The following PRELID3A variants were observed in gnomAD, a reference collection of about 807,000 sequenced individuals.
PRELID3A encodes the protein PRELI domain containing 3A.
PRELID3A carries 27 observed loss-of-function variants against 23.0 expected under a neutral mutation model. The observed-to-expected ratio is 1.17, with a 90% CI of 0.87 to 1.62. The LOEUF is 1.62. PRELID3A is among the 40% of genes most tolerant of loss of function. The probability of loss-of-function intolerance (pLI) is 0.00; values close to 1 mark genes in which losing one functional copy is unlikely to be tolerated. For missense variants in PRELID3A, 231 were observed against 231.4 expected (o/e 1.00, Z 0.01); for synonymous variants, 87 against 86.4 (o/e 1.01, Z -0.04).
intron 3 of PRELID3A, among the ~76,000 whole-genome samples, chr18:12,422,722 G>A (rs147529303): frequency 3.9e-4 from 60 of 152,128 alleles, no homozygotes; most frequent in African/African-American, 1.4e-3. Context: ...ATTAAAAAAT[G>A]TATATTGGCC....
Position 12,427,327 on chromosome 18 carries a change from T to C in PRELID3A, c.465+4T>C. On this transcript the variant is annotated splice_donor_region_variant and intron_variant, in intron 5 of 6. Transcript: ENST00000440960. ...GATATCATCCAATGCAAAGAAGGTA[T>C]GTATCTCAATCCTAGGAGTCCTGTG... 1.3e-6 allele frequency: 2 copies of C among 1,590,712 alleles called. No individual in the cohort carries two copies. The highest frequency in any genetic ancestry group is 1.7e-6 in the Non-Finnish European group (2 of 1,159,176).
chr18:12,416,776 G>C (rs868853189), intron 1 of PRELID3A, among the ~76,000 whole-genome samples: 45 of 151,780 alleles, frequency 3.0e-4, no homozygotes, highest in African/African-American at 1.0e-3. Flanking sequence ...CTCCCGAGTA[G>C]CTGGGACTAC....
chr18:12,418,763 G>C (rs1375311321), intron 1 of PRELID3A, among the ~76,000 whole-genome samples: 1 of 152,242 alleles, frequency 6.6e-6, no homozygotes, highest in Non-Finnish European at 1.5e-5. Context: ...GAAGGTCCAT[G>C]CTGGACAGGT....
intron 1 of PRELID3A, among the ~76,000 whole-genome samples, chr18:12,414,085 A>AGAGACAGG (rs2029880046): frequency 6.6e-6 from 1 of 152,156 alleles, no homozygotes. Context: ...AAAGCAGCAG[A>AGAGACAGG]GAGACAGGGG....
At chr18:12,412,681 C>T (rs1030712456) in intron 1 of PRELID3A, among the ~76,000 whole-genome samples, 1 of 152,194 alleles carries the variant, frequency 6.6e-6, no homozygotes, top group African/African-American at 2.4e-5. Flanking sequence ...CCCACTCAAT[C>T]AAGGGCCCAC....
intron 1 of PRELID3A, among the ~76,000 whole-genome samples, chr18:12,413,397 T>C (rs573390): frequency 0.74 from 112,399 of 151,988 alleles, 42,194 homozygotes; most frequent in East Asian, 0.99. Context: ...GACAGAGCCA[T>C]ACCATCTCTT....
intron 1 of PRELID3A, chr18:12,410,749 T>C (rs546924405): frequency 6.6e-6 from 1 of 152,158 alleles, no homozygotes; most frequent in South Asian, 2.1e-4. Context: ...CAGGCTGGAG[T>C]GCAGTGGCAC....
rs532678990 is a variant in PRELID3A, at chr18:12,415,739, A to G, written c.33-4586A>G. ...CTGGGTTATTTTAGGCAAATCCCAGACATCATGTAATTTCCTCCTTCTTCA... is the reference window on the plus strand; with the variant it reads ...CTGGGTTATTTTAGGCAAATCCCAGGCATCATGTAATTTCCTCCTTCTTCA... On this transcript the variant is annotated intron_variant, in intron 1 of 6. Transcript: ENST00000440960. Among the ~76,000 whole-genome samples, 3 of 152,304 alleles carry G rather than the reference A, an allele frequency of 2.0e-5. No homozygotes were observed. In the East Asian group the frequency reaches 5.8e-4, roughly 29 times the overall value.
At chr18:12,420,174 C>A in intron 1 of PRELID3A, 151 bp from the exon 2 acceptor site, 1 of 1,431,928 alleles carries the variant, frequency 7.0e-7, no homozygotes, top group Non-Finnish European at 9.1e-7. Flanking sequence ...CCGGGGAGGG[C>A]TCGCGGGACT....
chr18:12,411,323 G>T (rs1414751008), intron 1 of PRELID3A, among the ~76,000 whole-genome samples: 2 of 151,562 alleles, frequency 1.3e-5, no homozygotes, highest in African/African-American at 4.9e-5. Flanking sequence ...AAAATTAGCT[G>T]GGCGTGGTGG....
Position 12,429,394 on chromosome 18 carries a change from T to C in PRELID3A, c.510T>C (p.Ala170=). 3 of 1,613,804 alleles carry C rather than the reference T, an allele frequency of 1.9e-6. No individual in the cohort carries two copies. Among genetic ancestry groups the C allele is most frequent in the Non-Finnish European group, 2.5e-6 (3 of 1,179,956 alleles). ...IEWIIEHSES[A]VS is the part of the protein sequence containing the mutation. ...GGATAATTGAACACTCTGAAAGCGC[T>C]GTGAGCTAAGGAGGCCTGTGCCTGT... The change falls in exon 6 of 7, where the codon GCT becomes GCC. Residue 170 remains alanine, a synonymous_variant. Transcript: ENST00000440960.
At chr18:12,420,249 G>C in intron 1 of PRELID3A, 76 bp from the exon 2 acceptor site, 1 of 1,503,618 alleles carries the variant, frequency 6.7e-7, no homozygotes, top group Non-Finnish European at 8.9e-7. Context: ...CAGGCCTGGC[G>C]GCGGCTTTTC....
chr18:12,416,507 G>A (rs535674030), intron 1 of PRELID3A, among the ~76,000 whole-genome samples: 1 of 152,252 alleles, frequency 6.6e-6, no homozygotes, highest in African/African-American at 2.4e-5. Context: ...TAGAGATGAG[G>A]GGTCTTGCTA....
At chr18:12,422,979 G>A (rs1378663107) in intron 3 of PRELID3A, among the ~76,000 whole-genome samples, 1 of 152,200 alleles carries the variant, frequency 6.6e-6, no homozygotes, top group Non-Finnish European at 1.5e-5. Flanking sequence ...GATGGGGAAT[G>A]CAAGGATTAA....
At position 12,429,365 on chromosome 18, in the gene PRELID3A, G is replaced by A; in HGVS notation, c.481G>A (p.Glu161Lys). The A allele has an allele frequency of 6.2e-7, 1 of 1,613,754 alleles. No individual in the cohort carries two copies. Among genetic ancestry groups the A allele is most frequent in the South Asian group, 1.1e-5 (1 of 91,062 alleles). ...SNAKKGWAAI[E>K]WIIEHSESAV... is the part of the protein sequence containing the mutation. ...TGTGTTGCAGGGGTGGGCTGCTATC[G>A]AGTGGATAATTGAACACTCTGAAAG... Residue 161 changes from glutamate to lysine, a missense_variant, in exon 6 of 7, where the codon GAG becomes AAG. Coordinates refer to ENST00000440960, the MANE Select transcript of PRELID3A (RefSeq NM_001142405.2).
intron 1 of PRELID3A, among the ~76,000 whole-genome samples, chr18:12,408,343 G>C (rs1021031128): frequency 2.0e-5 from 3 of 151,170 alleles, no homozygotes; most frequent in Non-Finnish European, 4.4e-5. Flanking sequence ...GCCGGAGCCG[G>C]GGGGGCGGCC....
chr18:12,415,342 C>T (rs187686710), intron 1 of PRELID3A, among the ~76,000 whole-genome samples: 26 of 152,118 alleles, frequency 1.7e-4, no homozygotes, highest in Admixed American at 5.2e-4. Flanking sequence ...TCACAGCAAC[C>T]TCTGCCTCCC....
chr18:12,429,367 G>A lies in PRELID3A; in HGVS notation c.483G>A (p.Glu161=). The part of the protein sequence containing the change: ...SNAKKGWAAI[E]WIIEHSESAV... ...TGTTGCAGGGGTGGGCTGCTATCGA[G>A]TGGATAATTGAACACTCTGAAAGCG... The change falls in exon 6 of 7, where the codon GAG becomes GAA. Residue 161 remains glutamate (E), a synonymous_variant. Coordinates refer to ENST00000440960, the MANE Select transcript of PRELID3A (RefSeq NM_001142405.2). The A allele has an allele frequency of 1.9e-6, 3 of 1,613,838 alleles. No individual in the cohort carries two copies. The highest frequency in any genetic ancestry group is 2.5e-6 in the Non-Finnish European group (3 of 1,180,016).
chr18:12,411,663 C>T (rs895203420), intron 1 of PRELID3A, among the ~76,000 whole-genome samples: 1 of 152,168 alleles, frequency 6.6e-6, no homozygotes, highest in African/African-American at 2.4e-5. Context: ...GCAGGACGGG[C>T]TTTGGGGCAT....
Sources: gnomAD v4.1 joint callset for allele counts (sites outside exome capture counted in the v4.1 genomes callset) on GRCh38, gnomAD v4.1.1 for gene constraint, MANE v1.5 for transcripts, NCBI Gene and HGNC (gene_info 2026-07-23, HGNC 2026-07-21) for gene names.